The following KCNQ1OT1 variants were observed in gnomAD, a reference collection of about 807,000 sequenced individuals.
The protein encoded by KCNQ1OT1 is KCNQ1 antisense RNA 2 (non-protein coding).
chr11:2,633,090 T>C (rs934507789), exon 1 of KCNQ1OT1: 2 of 398,530 alleles, frequency 5.0e-6, no homozygotes, highest in Admixed American at 4.4e-5. Flanking sequence ...ATGTTTTGTC[T>C]TTTTGAAAAC....
exon 1 of KCNQ1OT1, chr11:2,694,663 C>T (rs1850644428): frequency 7.5e-6 from 3 of 398,562 alleles, no homozygotes; most frequent in Non-Finnish European, 1.3e-5. Context: ...CCACCATGTG[C>T]GGACCCTATA....
At chr11:2,610,716 C>CTTTTTTTTTTTTTTTTTTTTTTTTT (rs1167505141) in exon 1 of KCNQ1OT1, 5 of 230,186 alleles carry the variant, frequency 2.2e-5, no homozygotes, top group South Asian at 3.3e-4. Flanking sequence ...TCTTGGTTGG[C>CTTTTTTTTTTTTTTTTTTTTTTTTT]TTTTTTTTTT....
chr11:2,672,905 G>A (rs947479601), exon 1 of KCNQ1OT1: 19 of 398,638 alleles, frequency 4.8e-5, no homozygotes, highest in Non-Finnish European at 7.5e-5. Flanking sequence ...TGTGGCACTT[G>A]AGGCCTTGGG....
chr11:2,699,514 A>AGGAGAGTGCCGCGCTGAGGAGCCCCCGG (rs1564862442), exon 1 of KCNQ1OT1: 1 of 174,300 alleles, frequency 5.7e-6, no homozygotes, highest in African/African-American at 4.3e-5. Flanking sequence ...AGGAGCCCCC[A>AGGAGAGTGCCGCGCTGAGGAGCCCCCGG]GGAGAGTGCC....
chr11:2,665,734 C>T lies in KCNQ1OT1; in HGVS notation n.34261G>A, dbSNP rs1380808673. The T allele has an allele frequency of 1.5e-5, 6 of 398,558 alleles. No homozygotes were observed. In the East Asian group the frequency reaches 2.1e-4, roughly 14 times the overall value. The allele number at this position is 398,558 out of a possible 1,614,324, so 24.7% of individuals were successfully genotyped here. ...CCTCTTGGTCTCTTCCTCCCCAGAACCCCCAAAGCCCCAGGCATGGAGAAG... is the reference window on the plus strand; with the variant it reads ...CCTCTTGGTCTCTTCCTCCCCAGAATCCCCAAAGCCCCAGGCATGGAGAAG... On this transcript the variant is annotated non_coding_transcript_exon_variant, in exon 1 of 1. Coordinates refer to ENST00000597346, the Ensembl canonical transcript of KCNQ1OT1.
chr11:2,691,354 C>T lies in KCNQ1OT1; in HGVS notation n.8641G>A. On this transcript the variant is annotated non_coding_transcript_exon_variant, in exon 1 of 1. Transcript: ENST00000597346. The surrounding 1 kb of genome is among the most constrained non-coding windows in gnomAD (Gnocchi z 6.4). ...ACTGCACTTACAGTGACCACCCATC[C>T]TGACATCTTGGGCTCAGGCCTCTGG... is the stretch of plus-strand genomic sequence containing the variant. 2.5e-6 allele frequency: 1 copy of T among 398,666 alleles called. No individual in the cohort carries two copies. The highest frequency in any genetic ancestry group is 1.3e-4 in the South Asian group (1 of 7,862). 24.7% of individuals were successfully genotyped at this position (398,666 alleles called of 1,614,324 possible).
chr11:2,666,602 A>G, exon 1 of KCNQ1OT1: 1 of 398,656 alleles, frequency 2.5e-6, no homozygotes, highest in Non-Finnish European at 4.4e-6. Context: ...GTCTGGAAAT[A>G]AGGGCAAACG....
chr11:2,637,992 G>C (rs953100687), exon 1 of KCNQ1OT1: 17 of 152,156 alleles, frequency 1.1e-4, no homozygotes, highest in African/African-American at 3.9e-4. Flanking sequence ...CAGAGACTAG[G>C]ATTGCAACCC....
At chr11:2,667,323 A>G (rs981181970) in exon 1 of KCNQ1OT1, 7 of 398,444 alleles carry the variant, frequency 1.8e-5, no homozygotes, top group South Asian at 1.3e-4. Context: ...GGCCCAGAAG[A>G]AAGCAGTGAG....
Position 2,659,094 on chromosome 11 carries a change from T to C in KCNQ1OT1, n.40901A>G. The C allele has an allele frequency of 5.0e-6, 2 of 398,646 alleles. No individual in the cohort carries two copies. Among genetic ancestry groups the C allele is most frequent in the Middle Eastern group, 6.3e-4 (1 of 1,590 alleles). 24.7% of individuals were successfully genotyped at this position (398,646 alleles called of 1,614,324 possible). On this transcript the variant is annotated non_coding_transcript_exon_variant, in exon 1 of 1. Coordinates refer to ENST00000597346, the Ensembl canonical transcript of KCNQ1OT1. The surrounding 1 kb of genome is among the most constrained non-coding windows in gnomAD (Gnocchi z 4.3). ...TAGTCTGCTTTTCATCGTAGGGTCC[T>C]CCAACATCCGGGTTAATTTTTTAAA...
chr11:2,628,151 C>T (rs767041026), exon 1 of KCNQ1OT1: 4 of 398,328 alleles, frequency 1.0e-5, no homozygotes, highest in South Asian at 1.3e-4. Context: ...TAGATATACC[C>T]GGAACTGAGA....
exon 1 of KCNQ1OT1, chr11:2,609,513 G>A (rs1848941628): frequency 5.0e-6 from 2 of 398,342 alleles, no homozygotes; most frequent in African/African-American, 2.1e-5. Flanking sequence ...GTTGGGCGAA[G>A]TGCTCTATAA....
chr11:2,695,135 C>T lies in KCNQ1OT1; in HGVS notation n.4860G>A, dbSNP rs1850652465. ...GGAGAGTCATGGAGGCACATTCATT[C>T]GTTGGTTCTTGGCTTTTGGGACTCT... On this transcript the variant is annotated non_coding_transcript_exon_variant, in exon 1 of 1. Transcript: ENST00000597346. The surrounding 1 kb of genome is among the most constrained non-coding windows in gnomAD (Gnocchi z 5.2). 7.5e-6 allele frequency: 3 copies of T among 398,488 alleles called. No homozygotes were observed. Among genetic ancestry groups the T allele is most frequent in the Non-Finnish European group, 1.3e-5 (3 of 226,088 alleles). 24.7% of individuals were successfully genotyped at this position (398,488 alleles called of 1,614,324 possible). A position where few individuals can be genotyped will look rare whatever the true frequency, so the allele number is the denominator to read the frequency against.
chr11:2,695,434 T>G lies in KCNQ1OT1; in HGVS notation n.4561A>C, dbSNP rs543572217. The G allele has an allele frequency of 3.8e-5, 15 of 398,680 alleles. No homozygotes were observed. In the East Asian group the frequency reaches 4.3e-4, roughly 11 times the overall value. 24.7% of individuals were successfully genotyped at this position (398,680 alleles called of 1,614,324 possible). On this transcript the variant is annotated non_coding_transcript_exon_variant, in exon 1 of 1. Transcript: ENST00000597346. The surrounding 1 kb of genome is among the most constrained non-coding windows in gnomAD (Gnocchi z 5.2). ...TCATGTACTGAGGCCCTCTTTCTGT[T>G]TGGCATTTGTGTCACTCAGCACTGT...
chr11:2,613,379 G>C lies in KCNQ1OT1; in HGVS notation n.86616C>G. On this transcript the variant is annotated non_coding_transcript_exon_variant, in exon 1 of 1. Transcript: ENST00000597346. This position sits in a 1 kb window ranked among gnomAD's most constrained non-coding sequence, Gnocchi z 4.8. Reference sequence around the variant, plus strand: ...TGAAACATTAGGTTGCTGTGATGTGGGTTGCCTCCAATTATTTGCCACTGA... The same window carrying C: ...TGAAACATTAGGTTGCTGTGATGTGCGTTGCCTCCAATTATTTGCCACTGA... 1 of 398,460 alleles carries C rather than the reference G, an allele frequency of 2.5e-6. No individual in the cohort carries two copies. The highest frequency in any genetic ancestry group is 4.4e-6 in the Non-Finnish European group (1 of 226,048). 24.7% of individuals were successfully genotyped at this position (398,460 alleles called of 1,614,324 possible).
At chr11:2,697,051 G>T in exon 1 of KCNQ1OT1, 1 of 398,398 alleles carries the variant, frequency 2.5e-6, no homozygotes, top group Non-Finnish European at 4.4e-6. Flanking sequence ...TTCAGGAAAG[G>T]TCAAAAACAT....
At chr11:2,681,949 A>T (rs1325140645) in exon 1 of KCNQ1OT1, 6 of 398,498 alleles carry the variant, frequency 1.5e-5, no homozygotes, top group Non-Finnish European at 2.2e-5. Flanking sequence ...AAATGATACT[A>T]CTACTTACAC....
chr11:2,618,655 T>A, exon 1 of KCNQ1OT1: 1 of 398,612 alleles, frequency 2.5e-6, no homozygotes, highest in Non-Finnish European at 4.4e-6. Flanking sequence ...CAGAACAGAA[T>A]TTTCAGAATT....
chr11:2,699,493 GTGCCGCGCTGAGGAGCCCCCAGGAGA>G, exon 1 of KCNQ1OT1: 1 of 171,434 alleles, frequency 5.8e-6, no homozygotes, highest in African/African-American at 4.9e-5. Context: ...CCCGGGGAGA[GTGCCGCGCTGAGGAGCCCCCAGGAGA>G]GTGCCGCGCT....
Sources: gnomAD v4.1 joint callset for allele counts on GRCh38, gnomAD v4.1.1 for gene constraint, Gnocchi (gnomAD v3.1) non-coding constraint, MANE v1.5 for transcripts, NCBI Gene and HGNC (gene_info 2026-07-23, HGNC 2026-07-21) for gene names.